GALNT13: variants seen among roughly 807,000 people sequenced by gnomAD.
GALNT13 encodes the protein UDP-GalNAc:polypeptide N-acetylgalactosaminyltransferase 13.
In GALNT13, 28 loss-of-function variants were observed where a neutral mutation model predicts 64.2. The observed-to-expected ratio is 0.44, with a 90% CI of 0.32 to 0.60. The LOEUF (loss-of-function observed/expected upper bound fraction) is 0.60, where lower values mean the gene tolerates loss of function less well. Ranked by LOEUF, GALNT13 falls within the 20% of genes least tolerant of loss-of-function variation. The probability of loss-of-function intolerance (pLI) is 0.05; values close to 1 mark genes in which losing one functional copy is unlikely to be tolerated. For synonymous variants in GALNT13, 214 were observed against 224.6 expected (o/e 0.95, Z 0.42); for missense variants, 577 against 669.8 (o/e 0.86, Z 1.53).
chr2:154,088,279 A>G (rs1701632983), intron 3 of GALNT13, among the ~76,000 whole-genome samples: 2 of 152,140 alleles, frequency 1.3e-5, no homozygotes, highest in South Asian at 2.1e-4. Context: ...GAAAAAAACT[A>G]TCCTGTACTT....
At chr2:153,932,866 G>T (rs1192566363) in intron 2 of GALNT13, among the ~76,000 whole-genome samples, 1 of 151,914 alleles carries the variant, frequency 6.6e-6, no homozygotes, top group Non-Finnish European at 1.5e-5. Flanking sequence ...GACCTCAGGT[G>T]GTCCTCCTGC....
chr2:153,881,340 A>G (rs1178596222), intron 1 of GALNT13, among the ~76,000 whole-genome samples: 2 of 152,238 alleles, frequency 1.3e-5, no homozygotes, highest in South Asian at 4.1e-4. Context: ...ATAGGCTGTG[A>G]TAAATAATTT....
the GALNT13 span, among the ~76,000 whole-genome samples, chr2:153,281,027 T>C: frequency 6.6e-6 from 1 of 152,248 alleles, no homozygotes; most frequent in Non-Finnish European, 1.5e-5. Flanking sequence ...ACTCATTTTA[T>C]GGATCTGGGT....
chr2:153,448,373 C>T, the GALNT13 span, among the ~76,000 whole-genome samples: 1 of 152,078 alleles, frequency 6.6e-6, no homozygotes, highest in East Asian at 1.9e-4. Flanking sequence ...TTCTATTCCT[C>T]TAACAGTTTA....
chr2:154,226,707 A>G (rs766694307), intron 4 of GALNT13, among the ~76,000 whole-genome samples: 136 of 152,234 alleles, frequency 8.9e-4, no homozygotes, highest in East Asian at 1.7e-3. Context: ...CACACACAAA[A>G]CTGATATTAA....
At chr2:153,880,478 A>C (rs1490919241) in intron 1 of GALNT13, among the ~76,000 whole-genome samples, 1 of 152,184 alleles carries the variant, frequency 6.6e-6, no homozygotes, top group Non-Finnish European at 1.5e-5. Context: ...TTTAAAAAAG[A>C]GTTAAAAATC....
intron 11 of GALNT13, among the ~76,000 whole-genome samples, chr2:154,426,492 C>T (rs1700477549): frequency 6.6e-6 from 1 of 152,142 alleles, no homozygotes; most frequent in African/African-American, 2.4e-5. Context: ...CGGTCATCTG[C>T]AAATTGTACA....
At chr2:154,310,829 A>T (rs1693991425) in intron 9 of GALNT13, among the ~76,000 whole-genome samples, 1 of 152,142 alleles carries the variant, frequency 6.6e-6, no homozygotes, top group African/African-American at 2.4e-5. Context: ...AATGGGGATT[A>T]TAAAAATACG....
At chr2:154,015,662 G>A (rs527360121) in intron 3 of GALNT13, among the ~76,000 whole-genome samples, 1 of 152,028 alleles carries the variant, frequency 6.6e-6, no homozygotes, top group African/African-American at 2.4e-5. Flanking sequence ...ATTATACTAT[G>A]TTTGGAAGAA....
the GALNT13 span, among the ~76,000 whole-genome samples, chr2:153,604,212 C>T: frequency 6.6e-6 from 1 of 152,052 alleles, no homozygotes; most frequent in Non-Finnish European, 1.5e-5. Flanking sequence ...CACCCTCTGG[C>T]CACAACATTT....
At chr2:153,779,399 C>G in the GALNT13 span, among the ~76,000 whole-genome samples, 3 of 152,090 alleles carry the variant, frequency 2.0e-5, no homozygotes, top group Non-Finnish European at 4.4e-5. Context: ...GACATTGATT[C>G]TGCTTCTCAG....
In GALNT13 at chr2:154,304,132, G is replaced by A. The variant is rs141571585; in HGVS notation, c.1156+2543G>A. 5.7e-3 allele frequency among the ~76,000 whole-genome samples: 866 copies of A among 152,260 alleles called. 4 individuals are homozygous for A. The highest frequency in any genetic ancestry group is 0.018 in the African/African-American group (728 of 41,548). ...AAGTTTCTTATTAAGATCCAGCATC[G>A]CTATATAAAGAATGGGGGCATTGTA... On this transcript the variant is annotated intron_variant, in intron 9 of 12. Transcript: ENST00000392825.
At chr2:153,402,518 C>T in the GALNT13 span, among the ~76,000 whole-genome samples, 664 of 151,880 alleles carry the variant, frequency 4.4e-3, 5 homozygotes, top group Non-Finnish European at 4.6e-3. Context: ...TATCCTGCAG[C>T]GTGTTTTCCA....
chr2:154,330,528 T>C (rs1448534112), intron 9 of GALNT13, among the ~76,000 whole-genome samples: 1 of 152,132 alleles, frequency 6.6e-6, no homozygotes, highest in Non-Finnish European at 1.5e-5. Context: ...TTTTCTCTCT[T>C]AACTGACGAG....
At chr2:153,373,355 CTTATA>C in the GALNT13 span, among the ~76,000 whole-genome samples, 8 of 152,112 alleles carry the variant, frequency 5.3e-5, 1 homozygote, top group South Asian at 1.7e-3. Context: ...AATTTCCCAC[CTTATA>C]TTATACACAA....
chr2:153,621,893 G>A, the GALNT13 span, among the ~76,000 whole-genome samples: 1 of 152,228 alleles, frequency 6.6e-6, no homozygotes, highest in Admixed American at 6.6e-5. Context: ...ATTGATTTTG[G>A]ATAGTAATAC....
At chr2:153,650,431 G>A in the GALNT13 span, among the ~76,000 whole-genome samples, 30 of 152,276 alleles carry the variant, frequency 2.0e-4, no homozygotes, top group South Asian at 4.1e-4. Context: ...TTGCCAGTCT[G>A]TGTCTTTTAA....
chr2:153,322,588 GGT>G, the GALNT13 span, among the ~76,000 whole-genome samples: 11 of 152,190 alleles, frequency 7.2e-5, no homozygotes, highest in African/African-American at 2.4e-4. Flanking sequence ...GTGCTATGGT[GGT>G]TTGCTGCATC....
chr2:153,902,324 A>G (rs538616647), intron 2 of GALNT13, among the ~76,000 whole-genome samples: 58 of 152,248 alleles, frequency 3.8e-4, no homozygotes, highest in African/African-American at 1.4e-3. Flanking sequence ...TGACCTCTGG[A>G]AGACAAAGCT....
Sources: gnomAD v4.1 joint callset for allele counts (sites outside exome capture counted in the v4.1 genomes callset) on GRCh38, gnomAD v4.1.1 for gene constraint, MANE v1.5 for transcripts, NCBI Gene and HGNC (gene_info 2026-07-23, HGNC 2026-07-21) for gene names.